Variants in RPSA observed in about 807,000 individuals in gnomAD.
RPSA encodes the protein small ribosomal subunit protein uS2.
For synonymous variants in RPSA, 103 were observed against 126.7 expected (o/e 0.81, Z 1.25); for missense variants, 140 against 372.8 (o/e 0.38, Z 5.14).
intron 1 of RPSA, 140 bp from the exon 2 acceptor site, chr3:39,407,475 TGTATGG>T: frequency 1.4e-6 from 1 of 713,128 alleles, no homozygotes; most frequent in Non-Finnish European, 2.6e-6. Flanking sequence ...ATACACGACA[TGTATGG>T]GTTAACTTTC....
chr3:39,408,265 G>C (rs1575254848), intron 2 of RPSA: 2 of 461,700 alleles, frequency 4.3e-6, no homozygotes, highest in South Asian at 3.7e-5. Context: ...GATGAATCTT[G>C]CATCAGTGCA....
intron 1 of RPSA, 41 bp from the exon 2 acceptor site, chr3:39,407,580 C>T: frequency 6.7e-7 from 1 of 1,484,790 alleles, no homozygotes; most frequent in Admixed American, 1.7e-5. Flanking sequence ...CCCTACTTAA[C>T]TCAATGGAAT....
chr3:39,409,548 A>C (rs2041975413), intron 3 of RPSA, among the ~76,000 whole-genome samples: 1 of 152,234 alleles, frequency 6.6e-6, no homozygotes, highest in Admixed American at 6.5e-5. Context: ...AGTATGTTGA[A>C]CTTTATAATT....
chr3:39,412,153 C>G, intron 6 of RPSA, 92 bp downstream of exon 6: 1 of 1,416,266 alleles, frequency 7.1e-7, no homozygotes, highest in South Asian at 1.2e-5. Flanking sequence ...TTTATACTAG[C>G]TTTAAGAGGT....
chr3:39,410,295 C>T (rs1297213410), intron 3 of RPSA: 1 of 171,364 alleles, frequency 5.8e-6, no homozygotes, highest in African/African-American at 2.4e-5. Context: ...TTTTATTCAT[C>T]TTAACTATTT....
rs757117248 is a variant in RPSA, at chr3:39,407,625, C to T, written c.-29C>T. The T allele has an allele frequency of 1.3e-6, 2 of 1,591,010 alleles. No individual in the cohort carries two copies. The highest frequency in any genetic ancestry group is 2.2e-5 in the South Asian group (2 of 90,928). ...TAGGTTGCTCTCTTATTTCAGATTC[C>T]CGTCGTAACTTAAAGGGAAATTTTC... is the stretch of plus-strand genomic sequence containing the variant. On this transcript the variant is annotated 5_prime_UTR_variant, in exon 2 of 7. Coordinates refer to ENST00000301821, the MANE Select transcript of RPSA (RefSeq NM_002295.6).
chr3:39,412,136 T>C, intron 6 of RPSA, 75 bp downstream of exon 6: 1 of 1,457,016 alleles, frequency 6.9e-7, no homozygotes. Flanking sequence ...TAATGATCTC[T>C]GTGACTTTTA....
At chr3:39,412,146 A>G (rs2042014809) in intron 6 of RPSA, 85 bp downstream of exon 6, 1 of 1,432,150 alleles carries the variant, frequency 7.0e-7, no homozygotes, top group South Asian at 1.1e-5. Context: ...TGTGACTTTT[A>G]TACTAGCTTT....
chr3:39,408,353 GAGAA>G (rs759041901), intron 2 of RPSA: 1 of 680,492 alleles, frequency 1.5e-6, no homozygotes, highest in Non-Finnish European at 2.7e-6. Flanking sequence ...TACAGGGAAA[GAGAA>G]AGGAAAGATG....
intron 3 of RPSA, chr3:39,410,430 A>G (rs899107830): frequency 2.7e-6 from 1 of 373,800 alleles, no homozygotes; most frequent in African/African-American, 2.1e-5. Flanking sequence ...AGTTTGGTAC[A>G]CAGTAGAAAA....
At chr3:39,406,925 G>A (rs1428439779) in intron 1 of RPSA, 161 bp downstream of exon 1, 1 of 454,310 alleles carries the variant, frequency 2.2e-6, no homozygotes, top group Non-Finnish European at 4.4e-6. Flanking sequence ...ACGTGGCCAG[G>A]CTCGGGCTGG....
intron 5 of RPSA, 33 bp from the exon 6 acceptor site, chr3:39,411,863 G>GT: frequency 6.3e-7 from 1 of 1,599,588 alleles, no homozygotes; most frequent in Non-Finnish European, 8.5e-7. Context: ...GTCAGTCCCT[G>GT]TAAGTCTTTC....
Position 39,412,541 on chromosome 3 carries a change from A to G in RPSA, c.*173A>G. 1.7e-6 allele frequency: 1 copy of G among 594,386 alleles called. No individual in the cohort carries two copies. The allele number at this position is 594,386 out of a possible 1,614,324, so 36.8% of individuals were successfully genotyped here. ...TGTCTCGACATGAGTTGTACTTCTA[A>G]AGCCCACTGTAGATAGTGTATATTG... is the stretch of plus-strand genomic sequence containing the variant. On this transcript the variant is annotated 3_prime_UTR_variant, in exon 7 of 7. Coordinates refer to ENST00000301821, the MANE Select transcript of RPSA (RefSeq NM_002295.6).
Position 39,409,099 on chromosome 3 carries a change from A to AAG in RPSA, c.252+375_252+376insAG, listed in dbSNP as rs1491023702. The AAG allele has an allele frequency of 1.4e-4, 15 of 106,262 alleles. 1 individual carries two copies. Among genetic ancestry groups the AAG allele is most frequent in the African/African-American group, 4.7e-4 (15 of 32,146 alleles). 6.6% of individuals were successfully genotyped at this position (106,262 alleles called of 1,614,324 possible). A position where few individuals can be genotyped will look rare whatever the true frequency, so the allele number is the denominator to read the frequency against. ...GACTCTGTCTCAAAAAAAAAAAAAAAGAAAATAGAAAACTCAAACTCCACT... is the reference window on the plus strand; with the variant it reads ...GACTCTGTCTCAAAAAAAAAAAAAAAAGGAAAATAGAAAACTCAAACTCCACT... On this transcript the variant is annotated intron_variant, in intron 3 of 6. Coordinates refer to ENST00000301821, the MANE Select transcript of RPSA (RefSeq NM_002295.6).
chr3:39,407,230 C>G lies in RPSA; in HGVS notation c.-33-391C>G, dbSNP rs1404737080. The G allele has an allele frequency of 1.7e-5, 6 of 345,434 alleles. No individual in the cohort carries two copies. In the East Asian group the frequency reaches 5.0e-4, roughly 29 times the overall value. The allele number at this position is 345,434 out of a possible 1,614,324, so 21.4% of individuals were successfully genotyped here. On this transcript the variant is annotated intron_variant, in intron 1 of 6. Transcript: ENST00000301821. ...AGCGAAGTAATTCCAAAGCATCCGC[C>G]TACAATCTGCTTGAAAATGTCTGAA...
At chr3:39,408,421 A>G in intron 2 of RPSA, 185 bp from the exon 3 acceptor site, 1 of 765,996 alleles carries the variant, frequency 1.3e-6, no homozygotes, top group Non-Finnish European at 2.4e-6. Flanking sequence ...GGTGGAGGCC[A>G]GTCTTGGCTC....
At chr3:39,412,092 G>C (rs1328678221) in intron 6 of RPSA, 31 bp downstream of exon 6, 1 of 1,602,986 alleles carries the variant, frequency 6.2e-7, no homozygotes, top group Non-Finnish European at 8.5e-7. Context: ...GAATCAAGCT[G>C]ATATTTTGCA....
chr3:39,407,781 G>C lies in RPSA; in HGVS notation c.128G>C (p.Ser43Thr). The change falls in exon 2 of 7, where the codon AGT (serine) becomes ACT (threonine). Residue 43 changes from serine (S) to threonine (T), a missense_variant. Ser to Thr is a moderately conservative substitution (Grantham distance 58). Coordinates refer to ENST00000301821, the MANE Select transcript of RPSA (RefSeq NM_002295.6). Reference protein sequence around the residue: ...QMEQYIYKRKSDGIYIINLKR... With the variant: ...QMEQYIYKRKTDGIYIINLKR... ...GAACAGTACATCTATAAAAGGAAAA[G>C]TGATGGTTAGTCATTGCTTTAATTT... The C allele has an allele frequency of 6.3e-7, 1 of 1,598,128 alleles. No homozygotes were observed. Among genetic ancestry groups the C allele is most frequent in the Non-Finnish European group, 8.5e-7 (1 of 1,179,572 alleles).
chr3:39,411,188 A>G, intron 4 of RPSA, 189 bp downstream of exon 4: 1 of 770,758 alleles, frequency 1.3e-6, no homozygotes, highest in Non-Finnish European at 2.3e-6. Flanking sequence ...GGAGTTTGAT[A>G]GTAATTCTTG....
Sources: gnomAD v4.1 joint callset for allele counts (sites outside exome capture counted in the v4.1 genomes callset) on GRCh38, gnomAD v4.1.1 for gene constraint, MANE v1.5 for transcripts, NCBI Gene and HGNC (gene_info 2026-07-23, HGNC 2026-07-21) for gene names.